ANTXR2: variants seen among roughly 807,000 people sequenced by gnomAD.
The protein encoded by ANTXR2 is ANTXR cell adhesion molecule 2.
ANTXR2 carries 44 observed loss-of-function variants against 73.7 expected under a neutral mutation model. The observed-to-expected ratio is 0.60, with a 90% CI of 0.47 to 0.77. The LOEUF (loss-of-function observed/expected upper bound fraction) is 0.77, where lower values mean the gene tolerates loss of function less well. ANTXR2 is among the 30% of genes least tolerant of loss of function. The probability of loss-of-function intolerance (pLI) is 0.00; values close to 1 mark genes in which losing one functional copy is unlikely to be tolerated. For synonymous variants in ANTXR2, 217 were observed against 205.9 expected (o/e 1.05, Z -0.46); for missense variants, 604 against 592.5 (o/e 1.02, Z -0.20).
At position 79,980,417 on chromosome 4, in the gene ANTXR2, C is replaced by T. The variant is rs149654221; in HGVS notation, c.1180-2243G>A. Among the ~76,000 whole-genome samples the T allele has an allele frequency of 1.1e-4, 17 of 152,082 alleles. No individual in the cohort carries two copies. In the East Asian group the frequency reaches 2.9e-3, roughly 26 times the overall value. ...ACCACATTGAGACAGTTAAAAAGGACAAAAGAATAACAACAATAGACTGCT... is the reference window on the plus strand; with the variant it reads ...ACCACATTGAGACAGTTAAAAAGGATAAAAGAATAACAACAATAGACTGCT... On this transcript the variant is annotated intron_variant, in intron 14 of 16. Transcript: ENST00000403729.
intron 3 of ANTXR2, among the ~76,000 whole-genome samples, chr4:80,063,674 C>G (rs1035453720): frequency 6.6e-6 from 1 of 151,994 alleles, no homozygotes; most frequent in Admixed American, 6.5e-5. Flanking sequence ...TAAAATCATA[C>G]TAAGAGTGTC....
intron 12 of ANTXR2, among the ~76,000 whole-genome samples, chr4:79,993,949 A>G (rs1216821734): frequency 6.6e-6 from 1 of 151,564 alleles, no homozygotes; most frequent in African/African-American, 2.4e-5. Context: ...TTAATCACAT[A>G]TTGATTTGGT....
chr4:79,907,847 G>T (rs1469545443), intron 16 of ANTXR2, among the ~76,000 whole-genome samples: 1 of 152,142 alleles, frequency 6.6e-6, no homozygotes, highest in Non-Finnish European at 1.5e-5. Flanking sequence ...CTCCTAAAAT[G>T]CATACATGAG....
intron 16 of ANTXR2, among the ~76,000 whole-genome samples, chr4:79,954,612 TA>T (rs1183055341): frequency 5.3e-5 from 8 of 152,120 alleles, no homozygotes; most frequent in African/African-American, 1.9e-4. Context: ...CCCCAGATTT[TA>T]AAAAGAATGA....
At chr4:79,929,224 G>A (rs1025155650) in intron 16 of ANTXR2, among the ~76,000 whole-genome samples, 45 of 152,236 alleles carry the variant, frequency 3.0e-4, no homozygotes, top group African/African-American at 9.9e-4. Context: ...TTAAAAAGGC[G>A]TGTTGGGAGG....
intron 16 of ANTXR2, among the ~76,000 whole-genome samples, chr4:79,910,063 C>T (rs928798422): frequency 6.6e-6 from 1 of 152,050 alleles, no homozygotes; most frequent in African/African-American, 2.4e-5. Context: ...TGACCATGGG[C>T]GACTTACTTA....
At chr4:79,961,189 T>C (rs1729126365) in intron 16 of ANTXR2, among the ~76,000 whole-genome samples, 1 of 152,028 alleles carries the variant, frequency 6.6e-6, no homozygotes, top group South Asian at 2.1e-4. Flanking sequence ...TAGATTTCTG[T>C]AAATTATTAG....
chr4:80,020,734 TGGA>T, intron 10 of ANTXR2, among the ~76,000 whole-genome samples: 1 of 152,224 alleles, frequency 6.6e-6, no homozygotes, highest in Non-Finnish European at 1.5e-5. Flanking sequence ...CTATTTGGTT[TGGA>T]TTCATACAAG....
intron 16 of ANTXR2, among the ~76,000 whole-genome samples, chr4:79,933,690 A>G (rs1259391412): frequency 7.9e-6 from 1 of 126,994 alleles, no homozygotes; most frequent in Admixed American, 8.0e-5. Context: ...TCCTAATGCT[A>G]TCCCTCCACC....
At position 79,906,334 on chromosome 4, in the gene ANTXR2, T is replaced by C. The variant is rs1293035108; in HGVS notation, c.*1095A>G. On this transcript the variant is annotated 3_prime_UTR_variant, in exon 17 of 17. Transcript: ENST00000403729. ...GTAATGCGCATACAGTAATAGGTCATTCAATGTCAAAAGGCATAAAAAAGA... is the reference window on the plus strand; with the variant it reads ...GTAATGCGCATACAGTAATAGGTCACTCAATGTCAAAAGGCATAAAAAAGA... 6.6e-6 allele frequency: 1 copy of C among 152,612 alleles called. No individual in the cohort carries two copies. Among genetic ancestry groups the C allele is most frequent in the Non-Finnish European group, 1.5e-5 (1 of 68,052 alleles). The allele number at this position is 152,612 out of a possible 1,614,324, so 9.5% of individuals were successfully genotyped here.
chr4:80,033,630 C>A, intron 8 of ANTXR2, 60 bp from the exon 9 acceptor site: 1 of 1,296,022 alleles, frequency 7.7e-7, no homozygotes, highest in Non-Finnish European at 1.1e-6. Context: ...ATAAAAAACA[C>A]AAGCTGAAAT....
At chr4:80,056,887 C>A (rs1472151563) in intron 3 of ANTXR2, among the ~76,000 whole-genome samples, 1 of 151,262 alleles carries the variant, frequency 6.6e-6, no homozygotes, top group Non-Finnish European at 1.5e-5. Context: ...TGAAACCTCT[C>A]GAAAATAAAT....
intron 16 of ANTXR2, among the ~76,000 whole-genome samples, chr4:79,951,813 C>T (rs948779991): frequency 8.5e-5 from 13 of 152,252 alleles, no homozygotes; most frequent in African/African-American, 2.9e-4. Flanking sequence ...AAGTATTCTT[C>T]CTTAATAACT....
At chr4:79,964,970 G>A (rs908481518) in intron 16 of ANTXR2, 6 of 152,256 alleles carry the variant, frequency 3.9e-5, no homozygotes, top group African/African-American at 1.2e-4. Flanking sequence ...GCGAGAGAGG[G>A]CCCGAGCGGG....
intron 12 of ANTXR2, among the ~76,000 whole-genome samples, chr4:80,002,303 A>G (rs890612410): frequency 6.6e-6 from 1 of 152,164 alleles, no homozygotes; most frequent in African/African-American, 2.4e-5. Context: ...AAAACAAGCA[A>G]TGGGGAAAGG....
At chr4:79,909,833 G>A (rs1727055333) in intron 16 of ANTXR2, among the ~76,000 whole-genome samples, 1 of 152,244 alleles carries the variant, frequency 6.6e-6, no homozygotes, top group East Asian at 1.9e-4. Flanking sequence ...AAAAGGAGGT[G>A]ACTTCGGGAA....
At chr4:79,993,206 A>C (rs1730555384) in intron 12 of ANTXR2, among the ~76,000 whole-genome samples, 1 of 151,948 alleles carries the variant, frequency 6.6e-6, no homozygotes, top group Admixed American at 6.6e-5. Flanking sequence ...GAAAAAGAGA[A>C]GTTAGGAAGA....
chr4:80,000,659 A>G (rs1281804681), intron 12 of ANTXR2, among the ~76,000 whole-genome samples: 1 of 152,090 alleles, frequency 6.6e-6, no homozygotes, highest in Non-Finnish European at 1.5e-5. Context: ...CTGACAGGAT[A>G]ATGTTATAAG....
At chr4:79,947,388 G>C (rs775188335) in intron 16 of ANTXR2, among the ~76,000 whole-genome samples, 2 of 152,084 alleles carry the variant, frequency 1.3e-5, no homozygotes, top group Non-Finnish European at 2.9e-5. Context: ...ACAAGGATTG[G>C]TTTGGCATGA....
Sources: gnomAD v4.1 joint callset for allele counts (sites outside exome capture counted in the v4.1 genomes callset) on GRCh38, gnomAD v4.1.1 for gene constraint, MANE v1.5 for transcripts, NCBI Gene and HGNC (gene_info 2026-07-23, HGNC 2026-07-21) for gene names.